Variants in SUCLG1 observed in about 807,000 individuals in gnomAD.
SUCLG1 encodes succinate-CoA ligase GDP/ADP-forming subunit alpha.
Under a neutral mutation model 37.3 loss-of-function variants are expected in SUCLG1, and 26 were observed. The ratio of observed to expected loss-of-function variants is 0.70; its 90% CI spans 0.51 to 0.97. The LOEUF (loss-of-function observed/expected upper bound fraction) is 0.97. Ranked by LOEUF, SUCLG1 falls within the 50% of genes least tolerant of loss-of-function variation. SUCLG1 has a pLI of 0.00. For missense variants in SUCLG1, 433 were observed against 432.9 expected (o/e 1.00, Z 0.00); for synonymous variants, 163 against 155.6 (o/e 1.05, Z -0.36).
chr2:84,434,474 T>C (rs1415491570), intron 5 of SUCLG1, among the ~76,000 whole-genome samples: 1 of 152,086 alleles, frequency 6.6e-6, no homozygotes, highest in Non-Finnish European at 1.5e-5. Context: ...GGAGAGCCAG[T>C]GGGGGCCAGG....
intron 7 of SUCLG1, among the ~76,000 whole-genome samples, chr2:84,427,548 T>C (rs1167402839): frequency 6.6e-6 from 1 of 152,236 alleles, no homozygotes; most frequent in Non-Finnish European, 1.5e-5. Context: ...TCAAGCTCAT[T>C]AGAAAAGCCT....
At chr2:84,448,425 A>T (rs940642996) in intron 2 of SUCLG1, among the ~76,000 whole-genome samples, 30 of 151,654 alleles carry the variant, frequency 2.0e-4, no homozygotes, top group Non-Finnish European at 4.0e-4. Context: ...CTTTTGCAGA[A>T]TATGTTTACT....
chr2:84,441,354 A>C lies in SUCLG1; in HGVS notation c.424T>G (p.Cys142Gly). 6.2e-7 allele frequency: 1 copy of C among 1,614,138 alleles called. No homozygotes were observed. The highest frequency in any genetic ancestry group is 8.5e-7 in the Non-Finnish European group (1 of 1,180,020). ...AIEAEIPLVV[C>G]ITEGIPQQDM... The stretch of plus-strand genomic sequence containing the variant: ...TGCTGGGGAATTCCTTCAGTGATAC[A>C]CACAACCAAGGGAATTTCTGCCTCA... The change falls in exon 4 of 9, where the codon TGT (cysteine) becomes GGT (glycine). Residue 142 changes from cysteine to glycine, a missense_variant. By Grantham distance (159) the Cys-to-Gly change is radical (BLOSUM62 -3). Coordinates refer to ENST00000393868, the MANE Select transcript of SUCLG1 (RefSeq NM_003849.4).
intron 1 of SUCLG1, among the ~76,000 whole-genome samples, chr2:84,453,305 A>G (rs1239186913): frequency 6.6e-6 from 1 of 152,220 alleles, no homozygotes; most frequent in East Asian, 1.9e-4. Flanking sequence ...TGGAGCCCAA[A>G]GCCTAAGAGA....
At position 84,458,091 on chromosome 2, in the gene SUCLG1, G is replaced by A. The variant is rs570464477; in HGVS notation, c.97+1082C>T. On this transcript the variant is annotated intron_variant, in intron 1 of 8. Transcript: ENST00000393868. ...CTAACTTTGAGTGTTTGTTACATAC[G>A]AGATGCTTTATATAAATTGCTCCAC... Among the ~76,000 whole-genome samples the A allele has an allele frequency of 1.8e-4, 27 of 151,610 alleles. No individual in the cohort carries two copies. In the South Asian group the frequency reaches 3.8e-3, roughly 21 times the overall value.
intron 7 of SUCLG1, chr2:84,426,076 A>G (rs1672531818): frequency 5.4e-6 from 1 of 186,168 alleles, no homozygotes; most frequent in Non-Finnish European, 1.1e-5. Flanking sequence ...TCTAGTAACA[A>G]AAGCTGCACG....
At chr2:84,458,577 C>T (rs1322401486) in intron 1 of SUCLG1, 1 of 152,206 alleles carries the variant, frequency 6.6e-6, no homozygotes, top group African/African-American at 2.4e-5. Flanking sequence ...GGTGGAGACA[C>T]TGCAAATAAG....
chr2:84,450,801 A>G (rs1672928525), intron 1 of SUCLG1, among the ~76,000 whole-genome samples: 1 of 152,230 alleles, frequency 6.6e-6, no homozygotes, highest in Non-Finnish European at 1.5e-5. Context: ...ACCTCACATT[A>G]CATAACTGAA....
At chr2:84,446,668 G>A (rs570745754) in intron 2 of SUCLG1, among the ~76,000 whole-genome samples, 2 of 151,876 alleles carry the variant, frequency 1.3e-5, no homozygotes, top group South Asian at 4.2e-4. Context: ...TCTGCAATGA[G>A]ATAAGAGGAA....
At chr2:84,443,798 A>G (rs1274037306) in intron 2 of SUCLG1, among the ~76,000 whole-genome samples, 4 of 152,128 alleles carry the variant, frequency 2.6e-5, no homozygotes, top group Admixed American at 6.5e-5. Context: ...CCTACTTCTA[A>G]GCCTATACAT....
chr2:84,459,089 C>A (rs1387017486), intron 1 of SUCLG1, 84 bp downstream of exon 1: 2 of 1,411,114 alleles, frequency 1.4e-6, no homozygotes, highest in Non-Finnish European at 1.9e-6. Context: ...CCCTGAGGGC[C>A]CAGCCGCGGC....
intron 1 of SUCLG1, among the ~76,000 whole-genome samples, chr2:84,453,615 C>A (rs1042378651): frequency 6.6e-6 from 1 of 152,116 alleles, no homozygotes; most frequent in Non-Finnish European, 1.5e-5. Flanking sequence ...CGGGGTTTCA[C>A]CATGTTGGCC....
At chr2:84,444,625 G>C (rs1672822159) in intron 2 of SUCLG1, among the ~76,000 whole-genome samples, 1 of 152,168 alleles carries the variant, frequency 6.6e-6, no homozygotes, top group Admixed American at 6.5e-5. Flanking sequence ...CAGGCTTTGA[G>C]AGCAGACAAC....
At chr2:84,446,505 A>G (rs1672854495) in intron 2 of SUCLG1, among the ~76,000 whole-genome samples, 1 of 152,180 alleles carries the variant, frequency 6.6e-6, no homozygotes, top group South Asian at 2.1e-4. Context: ...AAATTTTCTG[A>G]TTCAAATTCT....
intron 1 of SUCLG1, among the ~76,000 whole-genome samples, chr2:84,451,849 C>T (rs1446664468): frequency 1.3e-5 from 2 of 152,194 alleles, no homozygotes; most frequent in South Asian, 2.1e-4. Context: ...TGGGCTCATA[C>T]AGACCCACTT....
rs777671418 is a variant in SUCLG1, at chr2:84,425,602, C to A, written c.827G>T (p.Gly276Val). The A allele has an allele frequency of 9.9e-6, 16 of 1,614,130 alleles. No homozygotes were observed. The Admixed American group carries it at 2.7e-4, about 27-fold the overall frequency. ...AAEFLKQHNSGPNSKPVVSFI... is the reference protein window; with the variant it reads ...AAEFLKQHNSVPNSKPVVSFI... Reference sequence around the variant, plus strand: ...GGACACTACAGGCTTGGAATTTGGACCCTAGAAAGAAAGTAATATTTTAAA... The same window carrying A: ...GGACACTACAGGCTTGGAATTTGGAACCTAGAAAGAAAGTAATATTTTAAA... Residue 276 changes from glycine (G) to valine (V), a missense_variant and splice_region_variant, in exon 8 of 9, where the codon GGT becomes GTT. By Grantham distance (109) the Gly-to-Val change is moderately radical. Transcript: ENST00000393868.
intron 7 of SUCLG1, among the ~76,000 whole-genome samples, chr2:84,428,541 C>T (rs534570601): frequency 5.7e-4 from 86 of 152,202 alleles, no homozygotes; most frequent in African/African-American, 2.0e-3. Flanking sequence ...TATTTGATTC[C>T]ACTCCCCTGT....
intron 7 of SUCLG1, among the ~76,000 whole-genome samples, chr2:84,427,471 T>C (rs1672550649): frequency 6.6e-6 from 1 of 152,248 alleles, no homozygotes. Context: ...CACTGAGTTA[T>C]GCAGATCTTC....
At chr2:84,456,795 C>G (rs2104272139) in intron 1 of SUCLG1, among the ~76,000 whole-genome samples, 1 of 152,240 alleles carries the variant, frequency 6.6e-6, no homozygotes, top group South Asian at 2.1e-4. Context: ...TCCTGAGTAG[C>G]TGGGATTACA....
Sources: gnomAD v4.1 joint callset for allele counts (sites outside exome capture counted in the v4.1 genomes callset) on GRCh38, gnomAD v4.1.1 for gene constraint, MANE v1.5 for transcripts, NCBI Gene and HGNC (gene_info 2026-07-23, HGNC 2026-07-21) for gene names.